Variants in CACNA2D3 observed in about 807,000 individuals in gnomAD.
CACNA2D3 encodes calcium voltage-gated channel auxiliary subunit alpha2delta 3.
CACNA2D3 carries 60 observed loss-of-function variants against 160.6 expected under a neutral mutation model. That is an observed-to-expected ratio of 0.37 (90% CI 0.30 to 0.46). The LOEUF is 0.46. CACNA2D3 is among the 20% of genes least tolerant of loss of function. The pLI, the probability that CACNA2D3 is intolerant of heterozygous loss-of-function variation, is 1.00. For missense variants in CACNA2D3, 1,205 were observed against 1,365.0 expected (o/e 0.88, Z 1.85); for synonymous variants, 558 against 492.9 (o/e 1.13, Z -1.75).
chr3:54,177,077 G>C (rs965318782), intron 2 of CACNA2D3, among the ~76,000 whole-genome samples: 2 of 152,208 alleles, frequency 1.3e-5, no homozygotes, highest in South Asian at 2.1e-4. Context: ...CTTCCAAAGA[G>C]TGAGTCCCCC....
chr3:54,384,173 CT>C (rs1444911945), intron 3 of CACNA2D3, among the ~76,000 whole-genome samples: 1 of 151,650 alleles, frequency 6.6e-6, no homozygotes, highest in Non-Finnish European at 1.5e-5. Flanking sequence ...TGTAGTTTTA[CT>C]TTATCTTTTG....
chr3:54,976,079 A>ACC (rs1702385921), intron 29 of CACNA2D3, among the ~76,000 whole-genome samples: 1 of 123,680 alleles, frequency 8.1e-6, no homozygotes, highest in African/African-American at 2.5e-5. Context: ...ACACACACAC[A>ACC]CACACACACA....
chr3:54,270,673 C>T (rs968863061), intron 2 of CACNA2D3, among the ~76,000 whole-genome samples: 4 of 152,176 alleles, frequency 2.6e-5, no homozygotes, highest in Admixed American at 6.5e-5. Flanking sequence ...AAGGTGTCAC[C>T]TAGGTTAGCT....
At chr3:55,032,027 A>G (rs1703699614) in intron 35 of CACNA2D3, among the ~76,000 whole-genome samples, 1 of 152,234 alleles carries the variant, frequency 6.6e-6, no homozygotes. Context: ...GAATTCATAT[A>G]TGATTACTGT....
chr3:54,255,363 C>G, intron 2 of CACNA2D3, among the ~76,000 whole-genome samples: 1 of 152,188 alleles, frequency 6.6e-6, no homozygotes, highest in East Asian at 1.9e-4. Flanking sequence ...AACGTGGGAC[C>G]ACTCTTGCGG....
chr3:54,173,742 T>C (rs569335861), intron 2 of CACNA2D3, among the ~76,000 whole-genome samples: 120 of 152,354 alleles, frequency 7.9e-4, no homozygotes, highest in African/African-American at 2.8e-3. Flanking sequence ...AAAATTTTAA[T>C]TTAGAAAGAG....
intron 31 of CACNA2D3, among the ~76,000 whole-genome samples, chr3:55,002,050 G>A (rs2107134048): frequency 6.6e-6 from 1 of 152,122 alleles, no homozygotes; most frequent in East Asian, 1.9e-4. Context: ...CAACTACTCG[G>A]GAGGCTGAAG....
intron 20 of CACNA2D3, 45 bp from the exon 21 acceptor site, chr3:54,880,751 A>C (rs767719019): frequency 6.7e-7 from 1 of 1,491,470 alleles, no homozygotes; most frequent in Non-Finnish European, 9.4e-7. Context: ...AGTCTATTCG[A>C]GTCGATGCCA....
chr3:54,298,461 G>T (rs1295287063), intron 2 of CACNA2D3, among the ~76,000 whole-genome samples: 1 of 152,214 alleles, frequency 6.6e-6, no homozygotes, highest in Non-Finnish European at 1.5e-5. Context: ...TTAGTACTTT[G>T]CAGTGAGTTT....
intron 35 of CACNA2D3, among the ~76,000 whole-genome samples, chr3:55,041,460 G>A (rs957923685): frequency 2.6e-5 from 4 of 152,076 alleles, no homozygotes; most frequent in Non-Finnish European, 5.9e-5. Flanking sequence ...CCAATCTACA[G>A]TAGATTTAAA....
chr3:54,570,166 G>A (rs1702471449), intron 8 of CACNA2D3, 62 bp downstream of exon 8: 1 of 1,503,886 alleles, frequency 6.6e-7, no homozygotes, highest in Admixed American at 1.7e-5. Context: ...GGTAGTGACT[G>A]GTTAACATTG....
At chr3:54,441,537 T>C (rs953140847) in intron 4 of CACNA2D3, among the ~76,000 whole-genome samples, 4 of 152,316 alleles carry the variant, frequency 2.6e-5, no homozygotes, top group South Asian at 4.1e-4. Flanking sequence ...TTGCTTTTGG[T>C]GTTTTAGACA....
At chr3:54,204,051 C>T (rs1034165525) in intron 2 of CACNA2D3, among the ~76,000 whole-genome samples, 7 of 152,018 alleles carry the variant, frequency 4.6e-5, no homozygotes, top group East Asian at 1.9e-4. Flanking sequence ...GAGGAACTCA[C>T]ACCTTTTTTC....
chr3:54,980,243 T>C (rs1702477696), intron 29 of CACNA2D3, among the ~76,000 whole-genome samples: 1 of 152,232 alleles, frequency 6.6e-6, no homozygotes, highest in Non-Finnish European at 1.5e-5. Context: ...AAACCTTGTA[T>C]AACCCTTTAC....
At chr3:54,497,987 AT>A (rs1701228316) in intron 4 of CACNA2D3, among the ~76,000 whole-genome samples, 1 of 151,400 alleles carries the variant, frequency 6.6e-6, no homozygotes, top group African/African-American at 2.4e-5. Context: ...GGTGGATTTG[AT>A]TTAAAATTTT....
chr3:54,989,506 T>C (rs369370680), intron 31 of CACNA2D3, among the ~76,000 whole-genome samples: 33 of 152,292 alleles, frequency 2.2e-4, no homozygotes, highest in African/African-American at 7.5e-4. Flanking sequence ...CTGGGGCCAG[T>C]AGAGCATTGA....
chr3:55,017,222 G>C (rs1467907986), intron 34 of CACNA2D3, among the ~76,000 whole-genome samples: 1 of 152,170 alleles, frequency 6.6e-6, no homozygotes, highest in Non-Finnish European at 1.5e-5. Context: ...TAGACCTCCT[G>C]TGAAGAGTAC....
chr3:54,461,433 G>C (rs1264557989), intron 4 of CACNA2D3, among the ~76,000 whole-genome samples: 1 of 150,888 alleles, frequency 6.6e-6, no homozygotes, highest in Non-Finnish European at 1.5e-5. Flanking sequence ...GTAAGCTATT[G>C]ATTATTGCCA....
chr3:54,557,349 T>A (rs1245091575), intron 5 of CACNA2D3, among the ~76,000 whole-genome samples: 1 of 152,216 alleles, frequency 6.6e-6, no homozygotes, highest in Non-Finnish European at 1.5e-5. Context: ...TGAAACATCC[T>A]CAGTTTGCTT....
Sources: gnomAD v4.1 joint callset for allele counts (sites outside exome capture counted in the v4.1 genomes callset) on GRCh38, gnomAD v4.1.1 for gene constraint, MANE v1.5 for transcripts, NCBI Gene and HGNC (gene_info 2026-07-23, HGNC 2026-07-21) for gene names.